Variants in LRP1B observed in about 807,000 individuals in gnomAD.
LRP1B encodes LDL receptor related protein 1B, also known as low-density lipoprotein receptor-related protein 1B.
Under a neutral mutation model 556.6 loss-of-function variants are expected in LRP1B, and 217 were observed. The observed-to-expected ratio is 0.39, with a 90% CI of 0.35 to 0.44. The LOEUF is 0.44. Among genes scored for constraint, LRP1B ranks in the 20% least tolerant of loss-of-function variants. LRP1B has a pLI of 1.00. For missense variants in LRP1B, 5,053 were observed against 5,620.8 expected (o/e 0.90, Z 3.23); for synonymous variants, 2,047 against 1,865.8 (o/e 1.10, Z -2.50).
Position 141,551,291 on chromosome 2 carries a change from TTTTA to T in LRP1B, c.206-70762_206-70759del, listed in dbSNP as rs1396789560. The stretch of plus-strand genomic sequence containing the variant: ...AGAACTTTTTAGTTTGTTTGCTTTT[TTTTA>T]ATGTATTTTACAATAGTCCAAGGTT... On this transcript the variant is annotated intron_variant, in intron 2 of 90. Transcript: ENST00000389484. Among the ~76,000 whole-genome samples the T allele has an allele frequency of 5.0e-4, 76 of 152,162 alleles. 1 individual carries two copies. The highest frequency in any genetic ancestry group is 1.8e-3 in the African/African-American group (75 of 41,566).
intron 42 of LRP1B, among the ~76,000 whole-genome samples, chr2:140,601,099 A>C (rs926787929): frequency 9.4e-5 from 12 of 127,192 alleles, no homozygotes; most frequent in Non-Finnish European, 6.6e-5. Context: ...AAAAAAAAAA[A>C]CACTCTTAGT....
intron 53 of LRP1B, among the ~76,000 whole-genome samples, chr2:140,506,207 T>C (rs544937625): frequency 2.0e-5 from 3 of 152,212 alleles, no homozygotes; most frequent in Non-Finnish European, 4.4e-5. Context: ...CAAAATACGT[T>C]AAACCAAAGA....
At chr2:140,676,804 G>C (rs989001517) in intron 41 of LRP1B, among the ~76,000 whole-genome samples, 3 of 152,074 alleles carry the variant, frequency 2.0e-5, no homozygotes, top group African/African-American at 7.2e-5. Flanking sequence ...AAGATTTTAA[G>C]ATGTGAAAGT....
intron 2 of LRP1B, among the ~76,000 whole-genome samples, chr2:141,705,751 T>C (rs1380547208): frequency 6.6e-6 from 1 of 152,024 alleles, no homozygotes; most frequent in Non-Finnish European, 1.5e-5. Context: ...ATTCCAATGA[T>C]ACTGGTAGGT....
intron 2 of LRP1B, among the ~76,000 whole-genome samples, chr2:141,767,887 T>C (rs1398812391): frequency 6.6e-6 from 1 of 152,162 alleles, no homozygotes; most frequent in Admixed American, 6.5e-5. Context: ...GTTAAACTTC[T>C]GTGGGGCCCA....
intron 32 of LRP1B, among the ~76,000 whole-genome samples, chr2:140,806,519 G>A (rs1690721799): frequency 6.6e-6 from 1 of 152,162 alleles, no homozygotes; most frequent in African/African-American, 2.4e-5. Flanking sequence ...TGTGAGTGAA[G>A]GGTGGAGGGT....
At chr2:140,946,078 G>A (rs3938273) in intron 20 of LRP1B, among the ~76,000 whole-genome samples, 140,221 of 152,236 alleles carry the variant, frequency 0.92, 64,864 homozygotes, top group East Asian at 1. Flanking sequence ...AAGAAGACAT[G>A]CAAGTGGCCA....
At chr2:141,778,747 C>G (rs1695152891) in intron 2 of LRP1B, among the ~76,000 whole-genome samples, 1 of 152,228 alleles carries the variant, frequency 6.6e-6, no homozygotes, top group Non-Finnish European at 1.5e-5. Flanking sequence ...CTTGCTCTAG[C>G]AGCCTTTGAG....
chr2:141,123,249 A>T (rs1701110671), intron 7 of LRP1B, among the ~76,000 whole-genome samples: 2 of 140,020 alleles, frequency 1.4e-5, no homozygotes, highest in South Asian at 4.5e-4. Flanking sequence ...AATAAAAAAA[A>T]ATAAATAAAT....
chr2:140,893,528 T>C (rs1246675824), intron 23 of LRP1B, among the ~76,000 whole-genome samples: 1 of 152,192 alleles, frequency 6.6e-6, no homozygotes, highest in Non-Finnish European at 1.5e-5. Flanking sequence ...CCTCTCACCC[T>C]GAGCAAATCA....
chr2:140,520,522 T>A (rs1690116407), intron 49 of LRP1B, among the ~76,000 whole-genome samples: 1 of 151,878 alleles, frequency 6.6e-6, no homozygotes, highest in Non-Finnish European at 1.5e-5. Flanking sequence ...AGTTGATGGG[T>A]GCAGCAAACC....
intron 77 of LRP1B, among the ~76,000 whole-genome samples, chr2:140,347,296 A>G (rs1681733417): frequency 6.7e-6 from 1 of 148,880 alleles, no homozygotes; most frequent in African/African-American, 2.4e-5. Flanking sequence ...TTCTTAAACG[A>G]AAAAAAAATC....
chr2:141,179,453 T>C (rs984882800), intron 7 of LRP1B, among the ~76,000 whole-genome samples: 4 of 152,082 alleles, frequency 2.6e-5, no homozygotes, highest in African/African-American at 7.2e-5. Flanking sequence ...TATTCAATCA[T>C]TATGAAGATC....
At chr2:141,861,924 C>A (rs1698257115) in intron 1 of LRP1B, among the ~76,000 whole-genome samples, 1 of 147,400 alleles carries the variant, frequency 6.8e-6, no homozygotes. Flanking sequence ...AGTGAGACTC[C>A]ATCTCAAAAA....
chr2:142,036,293 A>G (rs541634067), intron 1 of LRP1B, among the ~76,000 whole-genome samples: 208 of 151,834 alleles, frequency 1.4e-3, no homozygotes, highest in African/African-American at 4.5e-3. Flanking sequence ...TGAGAAAGTC[A>G]TGTAAATCAT....
chr2:140,811,663 A>G (rs1473074871), intron 32 of LRP1B, among the ~76,000 whole-genome samples: 1 of 152,152 alleles, frequency 6.6e-6, no homozygotes, highest in Non-Finnish European at 1.5e-5. Context: ...TTCAGAATTT[A>G]AACTCTGCTT....
At chr2:141,096,514 T>G (rs1700306721) in intron 7 of LRP1B, among the ~76,000 whole-genome samples, 2 of 151,772 alleles carry the variant, frequency 1.3e-5, no homozygotes, top group South Asian at 4.1e-4. Flanking sequence ...CTTGAATTGC[T>G]AAATTATGTA....
At chr2:140,319,494 G>A (rs1231710059) in intron 82 of LRP1B, among the ~76,000 whole-genome samples, 5 of 152,098 alleles carry the variant, frequency 3.3e-5, no homozygotes, top group East Asian at 1.9e-4. Context: ...ATCTGTTTCT[G>A]AGAGGTTAAG....
chr2:140,724,044 G>A (rs1338096214), intron 35 of LRP1B, among the ~76,000 whole-genome samples: 1 of 152,172 alleles, frequency 6.6e-6, no homozygotes, highest in African/African-American at 2.4e-5. Context: ...ATGAGGTCAG[G>A]GAAGATGAGA....
Sources: gnomAD v4.1 joint callset for allele counts (sites outside exome capture counted in the v4.1 genomes callset) on GRCh38, gnomAD v4.1.1 for gene constraint, MANE v1.5 for transcripts, NCBI Gene and HGNC (gene_info 2026-07-23, HGNC 2026-07-21) for gene names.